NAV1: variants seen among roughly 807,000 people sequenced by gnomAD.
The protein encoded by NAV1 is neuron navigator 1.
A neutral mutation model predicts 175.2 loss-of-function variants in NAV1; 18 were observed. That is an observed-to-expected ratio of 0.10 (90% CI 0.07 to 0.15). The LOEUF is 0.15. Ranked by LOEUF, NAV1 falls within the 10% of genes least tolerant of loss-of-function variation. The pLI is 1.00. For missense variants in NAV1, 1,731 were observed against 2,436.6 expected, an observed-to-expected ratio of 0.71 and a Z score of 6.10; for synonymous variants, 897 against 978.7, an observed-to-expected ratio of 0.92 and a Z score of 1.56.
chr1:201,634,753 AG>A (rs756593683), intron 2 of NAV1, among the ~76,000 whole-genome samples: 1 of 152,210 alleles, frequency 6.6e-6, no homozygotes, highest in East Asian at 1.9e-4. Flanking sequence ...CAAGAATAGC[AG>A]AAGCTGGTCA....
In NAV1 at chr1:201,581,604, G is replaced by A. The variant is rs192509743; in HGVS notation, c.-143-6935G>A. ...AGCACTTTGGGAGGCTGAGGTGAGC[G>A]GATCACCTGAGGTCAGGAGTTCCAG... On this transcript the variant is annotated intron_variant, in intron 1 of 33. Transcript: ENST00000685211. Among the ~76,000 whole-genome samples, 779 of 152,126 alleles carry A rather than the reference G, an allele frequency of 5.1e-3. 3 individuals carry two copies. The highest frequency in any genetic ancestry group is 0.011 in the African/African-American group (449 of 41,490).
chr1:201,672,169 G>C (rs1670068236), intron 1 of NAV1, among the ~76,000 whole-genome samples: 1 of 152,124 alleles, frequency 6.6e-6, no homozygotes, highest in Admixed American at 6.5e-5. Context: ...GATCCTCCAA[G>C]TCAGAAATAC....
intron 3 of NAV1, among the ~76,000 whole-genome samples, chr1:201,768,641 TAAAA>T (rs71281169): frequency 1.8e-5 from 2 of 114,174 alleles, no homozygotes. Context: ...TTGTCTCAAT[TAAAA>T]AAAAAAAAAA....
intron 1 of NAV1, among the ~76,000 whole-genome samples, chr1:201,565,356 C>T (rs1051540667): frequency 2.0e-5 from 3 of 152,242 alleles, no homozygotes; most frequent in African/African-American, 4.8e-5. Flanking sequence ...CTTCTGGGCT[C>T]ATTGTCAGTC....
At chr1:201,598,993 A>G (rs1667440775) in intron 2 of NAV1, among the ~76,000 whole-genome samples, 2 of 152,210 alleles carry the variant, frequency 1.3e-5, no homozygotes, top group African/African-American at 4.8e-5. Context: ...CCTGTCATTC[A>G]GAAAACATTT....
intron 1 of NAV1, among the ~76,000 whole-genome samples, chr1:201,654,804 TG>T (rs770693833): frequency 6.6e-6 from 1 of 152,054 alleles, no homozygotes; most frequent in Non-Finnish European, 1.5e-5. Context: ...CATAGGCAGG[TG>T]GGTGTTCTGT....
intron 3 of NAV1, among the ~76,000 whole-genome samples, chr1:201,760,055 G>T (rs1198077649): frequency 6.6e-6 from 1 of 152,168 alleles, no homozygotes. Context: ...CTTAAACGAG[G>T]ATGGGGCATC....
intron 3 of NAV1, among the ~76,000 whole-genome samples, chr1:201,746,647 C>T (rs1434111546): frequency 6.6e-6 from 1 of 152,078 alleles, no homozygotes; most frequent in Non-Finnish European, 1.5e-5. Flanking sequence ...AGGAGCAGCA[C>T]GTTAGGAGCG....
At chr1:201,574,104 A>G (rs933620362) in intron 1 of NAV1, among the ~76,000 whole-genome samples, 1 of 152,026 alleles carries the variant, frequency 6.6e-6, no homozygotes, top group African/African-American at 2.4e-5. Flanking sequence ...GAAGAGTTCT[A>G]TTTATAAGCA....
At chr1:201,619,076 A>AG (rs754790126), upstream of NAV1, among the ~76,000 whole-genome samples, 3 of 152,150 alleles carry the variant, frequency 2.0e-5, no homozygotes, top group South Asian at 6.2e-4. Flanking sequence ...AGGAGGAGAG[A>AG]GCAGGGCCCC....
chr1:201,786,462 G>A, exon 9 of NAV1: 4 of 1,613,834 alleles, frequency 2.5e-6, no homozygotes, highest in Non-Finnish European at 2.5e-6. Flanking sequence ...AGACCAAGGA[G>A]AGGCGACATT....
intron 3 of NAV1, among the ~76,000 whole-genome samples, chr1:201,769,573 T>G (rs1675432921): frequency 6.6e-6 from 1 of 152,234 alleles, no homozygotes; most frequent in African/African-American, 2.4e-5. Flanking sequence ...ATTTGGGGAT[T>G]TGTTTCCATG....
intron 1 of NAV1, among the ~76,000 whole-genome samples, chr1:201,559,800 T>C (rs1341523405): frequency 6.6e-6 from 1 of 152,210 alleles, no homozygotes; most frequent in African/African-American, 2.4e-5. Flanking sequence ...GGCCTTTGTC[T>C]GCATGGCCTT....
chr1:201,649,172 G>T, exon 1 of NAV1: 2 of 1,612,252 alleles, frequency 1.2e-6, no homozygotes, highest in Non-Finnish European at 1.7e-6. Flanking sequence ...CGCCCAACCT[G>T]GGAAAGCCGA....
At chr1:201,608,232 A>C (rs1290364357) in intron 2 of NAV1, among the ~76,000 whole-genome samples, 3 of 152,206 alleles carry the variant, frequency 2.0e-5, no homozygotes, top group Non-Finnish European at 4.4e-5. Flanking sequence ...CCAAAACTGC[A>C]CAGCTTATAA....
upstream of NAV1, chr1:201,648,227 C>T: frequency 2.0e-6 from 2 of 1,010,580 alleles, no homozygotes; most frequent in Non-Finnish European, 2.4e-6. Flanking sequence ...GCGGCCGGGG[C>T]GCTGCCCGGC....
chr1:201,633,991 A>C (rs1490843241), intron 2 of NAV1, among the ~76,000 whole-genome samples: 4 of 152,150 alleles, frequency 2.6e-5, no homozygotes, highest in Non-Finnish European at 5.9e-5. Context: ...GCCGACACTT[A>C]CCGTGGCTTA....
At chr1:201,577,242 T>C (rs1267678621) in intron 1 of NAV1, among the ~76,000 whole-genome samples, 1 of 152,244 alleles carries the variant, frequency 6.6e-6, no homozygotes, top group African/African-American at 2.4e-5. Context: ...CTACTCTGTA[T>C]GTCTTTTGTA....
chr1:201,816,076 A>G (rs532345645), intron 28 of NAV1, among the ~76,000 whole-genome samples: 12 of 151,052 alleles, frequency 7.9e-5, no homozygotes, highest in African/African-American at 2.9e-4. Flanking sequence ...ACACACAGAA[A>G]TATGTGAGGT....
Sources: gnomAD v4.1 joint callset for allele counts (sites outside exome capture counted in the v4.1 genomes callset) on GRCh38, gnomAD v4.1.1 for gene constraint, MANE v1.5 for transcripts, NCBI Gene and HGNC (gene_info 2026-07-23, HGNC 2026-07-21) for gene names.